COL24A1: variants seen among roughly 807,000 people sequenced by gnomAD.
COL24A1 encodes collagen type XXIV alpha 1 chain, also known as collagen alpha-1(XXIV) chain.
COL24A1 carries 224 observed loss-of-function variants against 253.9 expected under a neutral mutation model. The observed-to-expected ratio is 0.88, with a 90% confidence interval of 0.79 to 0.99. The LOEUF (loss-of-function observed/expected upper bound fraction) is 0.99. COL24A1 is among the 50% of genes least tolerant of loss of function. COL24A1 has a pLI of 0.00. For synonymous variants in COL24A1, 685 were observed against 673.7 expected (o/e 1.02, Z -0.26); for missense variants, 2,131 against 2,068.5 (o/e 1.03, Z -0.59).
intron 6 of COL24A1, among the ~76,000 whole-genome samples, chr1:86,089,528 T>C (rs964871845): frequency 1.3e-5 from 2 of 152,134 alleles, no homozygotes; most frequent in African/African-American, 4.8e-5. Context: ...GTTTTAAAAA[T>C]TGAAAGTAGG....
chr1:85,771,242 T>TC (rs1262642125), intron 53 of COL24A1, among the ~76,000 whole-genome samples: 3 of 152,140 alleles, frequency 2.0e-5, no homozygotes, highest in Non-Finnish European at 4.4e-5. Context: ...CCTAATGTTA[T>TC]CCCTCACCTA....
chr1:85,959,394 C>G (rs747517443), intron 24 of COL24A1, among the ~76,000 whole-genome samples: 2 of 152,074 alleles, frequency 1.3e-5, no homozygotes, highest in East Asian at 1.9e-4. Context: ...CTCTCTACAA[C>G]ATTTATATGA....
chr1:85,915,377 A>G (rs1445560645), intron 24 of COL24A1, among the ~76,000 whole-genome samples: 9 of 152,104 alleles, frequency 5.9e-5, no homozygotes, highest in Non-Finnish European at 1.0e-4. Flanking sequence ...AGGCCTTTGA[A>G]CTCGGACTGG....
At chr1:86,040,908 T>A (rs950809286) in intron 12 of COL24A1, among the ~76,000 whole-genome samples, 4 of 152,128 alleles carry the variant, frequency 2.6e-5, no homozygotes, top group African/African-American at 9.7e-5. Context: ...CTCTAAATTC[T>A]CCACAAAATG....
At chr1:85,876,419 G>A (rs1681172681) in intron 33 of COL24A1, among the ~76,000 whole-genome samples, 1 of 152,098 alleles carries the variant, frequency 6.6e-6, no homozygotes, top group Admixed American at 6.6e-5. Flanking sequence ...AATGGATTTG[G>A]TTTAGATATT....
intron 24 of COL24A1, among the ~76,000 whole-genome samples, chr1:85,922,689 C>A (rs1686661661): frequency 6.6e-6 from 1 of 152,226 alleles, no homozygotes; most frequent in Admixed American, 6.5e-5. Flanking sequence ...AAAGGAATAA[C>A]TGGTACCAGC....
chr1:85,895,706 A>T (rs1683608806), intron 31 of COL24A1, 152 bp downstream of exon 31: 1 of 670,194 alleles, frequency 1.5e-6, no homozygotes, highest in East Asian at 2.8e-5. Context: ...ATCAGCTCAT[A>T]ATTTATACAT....
chr1:86,135,245 C>G (rs1301274802), intron 2 of COL24A1, among the ~76,000 whole-genome samples: 1 of 151,982 alleles, frequency 6.6e-6, no homozygotes, highest in Non-Finnish European at 1.5e-5. Context: ...ATGTGTGTCT[C>G]TGCACGTGAG....
chr1:86,084,985 A>T (rs1346118993), intron 7 of COL24A1, among the ~76,000 whole-genome samples: 1 of 152,224 alleles, frequency 6.6e-6, no homozygotes, highest in Non-Finnish European at 1.5e-5. Context: ...AGATTTTTAT[A>T]GGAATAATAA....
At chr1:85,779,733 G>A (rs919305327) in intron 52 of COL24A1, among the ~76,000 whole-genome samples, 7 of 152,008 alleles carry the variant, frequency 4.6e-5, no homozygotes, top group Non-Finnish European at 5.9e-5. Flanking sequence ...CTGTTACACC[G>A]ATCTGTTTAT....
At chr1:85,871,652 C>A (rs1276105365) in intron 35 of COL24A1, among the ~76,000 whole-genome samples, 1 of 152,176 alleles carries the variant, frequency 6.6e-6, no homozygotes. Flanking sequence ...AACAGCCCTT[C>A]ATGCTAAAAA....
Position 86,125,110 on chromosome 1 carries a change from T to C in COL24A1, c.1226A>G (p.Lys409Arg). The C allele has an allele frequency of 6.2e-7, 1 of 1,612,942 alleles. No homozygotes were observed. The highest frequency in any genetic ancestry group is 1.1e-5 in the South Asian group (1 of 91,038). The change falls in exon 3 of 60, where the codon AAG becomes AGG. Residue 409 changes from lysine (K) to arginine (R), a missense_variant. Lys to Arg is a conservative substitution (Grantham distance 26). Coordinates refer to ENST00000370571, the MANE Select transcript of COL24A1 (RefSeq NM_152890.7). ...GTGTAGATTTGCTGTGATAGCCTTC[T>C]TGAGATTAGTAATTGTATCTTGTTT... ...QIKQDTITNL[K>R]KAITANLHTN...
At chr1:85,870,208 A>T (rs866861710) in intron 35 of COL24A1, among the ~76,000 whole-genome samples, 32 of 152,308 alleles carry the variant, frequency 2.1e-4, no homozygotes, top group Middle Eastern at 3.4e-3. Context: ...AAGTCCTCAG[A>T]GACCTACAAA....
chr1:85,953,969 A>T (rs1048399633), intron 24 of COL24A1, among the ~76,000 whole-genome samples: 2 of 152,198 alleles, frequency 1.3e-5, no homozygotes, highest in Non-Finnish European at 2.9e-5. Flanking sequence ...GGCAGTAAGC[A>T]TGTTAAATAC....
At chr1:85,755,315 A>C (rs567532091) in intron 55 of COL24A1, among the ~76,000 whole-genome samples, 1 of 152,332 alleles carries the variant, frequency 6.6e-6, no homozygotes, top group South Asian at 2.1e-4. Context: ...ATTCAGGCCT[A>C]AAGTAAAGGA....
chr1:85,847,823 G>T (rs1677308710), intron 38 of COL24A1, 51 bp from the exon 39 acceptor site: 2 of 1,166,218 alleles, frequency 1.7e-6, no homozygotes, highest in Middle Eastern at 2.1e-4. Context: ...TTTATACTTA[G>T]ATTAATTAAC....
intron 2 of COL24A1, among the ~76,000 whole-genome samples, chr1:86,140,475 T>C (rs1557795965): frequency 6.6e-6 from 1 of 152,258 alleles, no homozygotes; most frequent in Non-Finnish European, 1.5e-5. Context: ...TAAGTGCCCA[T>C]ACAAGTGTTT....
At position 85,823,738 on chromosome 1, in the gene COL24A1, C is replaced by A. The variant is rs1673905526; in HGVS notation, c.3682G>T (p.Gly1228Cys). ...RGEPGAEGYKGHVGVPGLRGA... is the reference protein window; with the variant it reads ...RGEPGAEGYKCHVGVPGLRGA... ...CTTAGTCCTGGTACACCCACATGGC[C>A]CTAGAAATAGAAAAGATTACATTAT... The change falls in exon 44 of 60, where the codon GGC becomes TGC. Residue 1228 changes from glycine to cysteine, a missense_variant and splice_region_variant. By Grantham distance (159) the Gly-to-Cys change is radical. Coordinates refer to ENST00000370571, the MANE Select transcript of COL24A1 (RefSeq NM_152890.7). 1 of 1,612,956 alleles carries A rather than the reference C, an allele frequency of 6.2e-7. No individual in the cohort carries two copies. The highest frequency in any genetic ancestry group is 1.7e-5 in the Admixed American group (1 of 59,956).
At chr1:86,094,089 C>G (rs754569801) in intron 5 of COL24A1, among the ~76,000 whole-genome samples, 44 of 152,080 alleles carry the variant, frequency 2.9e-4, no homozygotes, top group Non-Finnish European at 3.5e-4. Context: ...GGCAATTCCT[C>G]AAAGACCTAG....
Sources: allele counts gnomAD v4.1 joint callset (sites outside exome capture counted in the v4.1 genomes callset), GRCh38; gene constraint gnomAD v4.1.1; transcripts MANE v1.5; gene names NCBI Gene and HGNC (gene_info 2026-07-23, HGNC 2026-07-21).